The following ATG14 variants were observed in gnomAD, a reference collection of about 807,000 sequenced individuals.
ATG14 encodes beclin 1-associated autophagy-related key regulator.
ATG14 carries 35 observed loss-of-function variants against 60.4 expected under a neutral mutation model. The ratio of observed to expected loss-of-function variants is 0.58; its 90% CI spans 0.44 to 0.77. ATG14 has a LOEUF of 0.77. Among genes scored for constraint, ATG14 ranks in the 30% least tolerant of loss-of-function variants. ATG14 has a pLI of 0.00. For synonymous variants in ATG14, 234 were observed against 228.8 expected, an observed-to-expected ratio of 1.02 and a Z score of -0.21; for missense variants, 647 against 626.3, an observed-to-expected ratio of 1.03 and a Z score of -0.35.
chr14:55,384,446 A>C (rs887519069), intron 5 of ATG14, among the ~76,000 whole-genome samples: 3 of 152,198 alleles, frequency 2.0e-5, no homozygotes, highest in African/African-American at 7.2e-5. Context: ...ACCTCTCTCC[A>C]ACTGTCCTGC....
intron 3 of ATG14, chr14:55,395,150 A>G: frequency 1.1e-5 from 5 of 470,846 alleles, no homozygotes; most frequent in Non-Finnish European, 2.2e-5. Flanking sequence ...TTGCAGGAGC[A>G]GGTTCAGCTG....
rs1376937716 is a variant in ATG14, at chr14:55,402,948, TATATATATATATATATATATAA to T, written c.222-5536_222-5515del. Among the ~76,000 whole-genome samples, 47 of 60,888 alleles carry T rather than the reference TATATATATATATATATATATAA, an allele frequency of 7.7e-4. 1 individual carries two copies. The highest frequency in any genetic ancestry group is 3.6e-3 in the South Asian group (5 of 1,384). The allele number at this position is 60,888 out of a possible 152,430, so 39.9% of individuals were successfully genotyped here. A position where few individuals can be genotyped will look rare whatever the true frequency, so the allele number is the denominator to read the frequency against. On this transcript the variant is annotated intron_variant, in intron 1 of 9. Coordinates refer to ENST00000247178, the MANE Select transcript of ATG14 (RefSeq NM_014924.5). Reference sequence around the variant, plus strand: ...AAAAATATATATATATATATATATATATATATATATATATATATATAAATAGCTGGGCATAGTGGTGCATGGC... The same window carrying T: ...AAAAATATATATATATATATATATATATAGCTGGGCATAGTGGTGCATGGC...
chr14:55,377,860 A>G lies in ATG14; in HGVS notation c.1131T>C (p.Asn377=). 6.2e-7 allele frequency: 1 copy of G among 1,603,612 alleles called. No homozygotes were observed. Among genetic ancestry groups the G allele is most frequent in the Non-Finnish European group, 8.5e-7 (1 of 1,177,080 alleles). The change falls in exon 9 of 10, where the codon AAT becomes AAC. Residue 377 remains asparagine, a synonymous_variant. Transcript: ENST00000247178. ...DQLQPLHTLR[N]LMYLVSPSSE... is the part of the protein sequence containing the mutation. Reference sequence around the variant, plus strand: ...AGCTTGGACTGACCAGGTACATTAGATTCCTGAGGGTATGCAGTGGTTGTA... The same window carrying G: ...AGCTTGGACTGACCAGGTACATTAGGTTCCTGAGGGTATGCAGTGGTTGTA...
At chr14:55,390,360 C>T (rs184188520) in intron 4 of ATG14, among the ~76,000 whole-genome samples, 12 of 151,964 alleles carry the variant, frequency 7.9e-5, no homozygotes, top group Admixed American at 2.0e-4. Context: ...CATAAGCCAC[C>T]GTGCCTGGCC....
chr14:55,372,221 TATC>T (rs1163738441), intron 9 of ATG14, among the ~76,000 whole-genome samples: 2 of 152,084 alleles, frequency 1.3e-5, no homozygotes, highest in Admixed American at 6.5e-5. Flanking sequence ...GGCTACCTGT[TATC>T]ATTAAATAAG....
At chr14:55,395,139 T>G (rs1885290076) in intron 3 of ATG14, 43 of 475,604 alleles carry the variant, frequency 9.0e-5, no homozygotes, top group South Asian at 6.6e-4. Context: ...CGTTTCCACT[T>G]TTGCAGGAGC....
At chr14:55,373,068 C>T (rs1884853813) in intron 9 of ATG14, among the ~76,000 whole-genome samples, 1 of 152,146 alleles carries the variant, frequency 6.6e-6, no homozygotes, top group South Asian at 2.1e-4. Context: ...ATTAGAGATA[C>T]ATCACCTGCC....
intron 9 of ATG14, among the ~76,000 whole-genome samples, chr14:55,374,677 A>G (rs567760121): frequency 8.3e-4 from 127 of 152,128 alleles, no homozygotes; most frequent in Non-Finnish European, 1.3e-3. Flanking sequence ...AAGGTTTTTT[A>G]TATCATCTGG....
At chr14:55,382,973 A>T (rs1566579785) in intron 5 of ATG14, among the ~76,000 whole-genome samples, 1 of 152,246 alleles carries the variant, frequency 6.6e-6, no homozygotes, top group Non-Finnish European at 1.5e-5. Context: ...AAAATTAGTA[A>T]AGAGTGACAC....
intron 9 of ATG14, 109 bp downstream of exon 9, chr14:55,377,710 C>T (rs1052930570): frequency 2.9e-5 from 20 of 682,252 alleles, no homozygotes; most frequent in African/African-American, 9.0e-5. Flanking sequence ...TATTTTTGTC[C>T]GGTTTGAGGA....
chr14:55,404,101 A>G (rs72717759), intron 1 of ATG14, among the ~76,000 whole-genome samples: 10,460 of 152,256 alleles, frequency 0.069, 420 homozygotes, highest in South Asian at 0.11. Context: ...CTTGAGGTAG[A>G]TCAGCTCAAG....
chr14:55,386,931 T>G (rs1306661010), intron 4 of ATG14, among the ~76,000 whole-genome samples: 4 of 152,096 alleles, frequency 2.6e-5, no homozygotes, highest in African/African-American at 9.7e-5. Flanking sequence ...CAGGAAAATC[T>G]TCTCCAGTTT....
At chr14:55,399,792 C>A (rs1885368794) in intron 1 of ATG14, among the ~76,000 whole-genome samples, 1 of 152,150 alleles carries the variant, frequency 6.6e-6, no homozygotes. Context: ...ACTTCAGAGG[C>A]CATAAAAGTT....
At chr14:55,400,686 T>G (rs1253043463) in intron 1 of ATG14, among the ~76,000 whole-genome samples, 1 of 152,136 alleles carries the variant, frequency 6.6e-6, no homozygotes, top group Non-Finnish European at 1.5e-5. Context: ...GTGGATCACC[T>G]GAGGTCAGGA....
intron 1 of ATG14, among the ~76,000 whole-genome samples, chr14:55,409,694 G>A (rs564463182): frequency 5.3e-5 from 8 of 152,230 alleles, no homozygotes; most frequent in Admixed American, 2.6e-4. Context: ...AGGCCACAGT[G>A]GCACAGCAGA....
rs755228078 is a variant in ATG14 at position 55,369,625 on chromosome 14, G to T, written c.1473C>A (p.His491Gln). Residue 491 changes from histidine to glutamine, a missense_variant, in exon 10 of 10, where the codon CAC (histidine) becomes CAA (glutamine). His to Gln is a conservative substitution (Grantham distance 24). Transcript: ENST00000247178. ...ATGTTTTGGTCCATGCTCGTTAACGGTGTCCAGTGTAAGCTTTAAACCAGG... is the reference window on the plus strand; with the variant it reads ...ATGTTTTGGTCCATGCTCGTTAACGTTGTCCAGTGTAAGCTTTAAACCAGG... ...VTSWFKAYTG[H>Q]R 6.6e-7 allele frequency: 1 copy of T among 1,515,744 alleles called. No homozygotes were observed. Among genetic ancestry groups the T allele is most frequent in the Admixed American group, 2.2e-5 (1 of 45,924 alleles). The allele number at this position is 1,515,744 out of a possible 1,614,324, so 93.9% of individuals were successfully genotyped here.
chr14:55,369,613 T>C lies in ATG14; in HGVS notation c.*6A>G. 1 of 1,502,478 alleles carries C rather than the reference T, an allele frequency of 6.7e-7. No individual in the cohort carries two copies. The highest frequency in any genetic ancestry group is 8.9e-7 in the Non-Finnish European group (1 of 1,123,646). The allele number at this position is 1,502,478 out of a possible 1,614,324, so 93.1% of individuals were successfully genotyped here. On this transcript the variant is annotated 3_prime_UTR_variant, in exon 10 of 10. Transcript: ENST00000247178. ...TGCAGATTTGGTATGTTTTGGTCCA[T>C]GCTCGTTAACGGTGTCCAGTGTAAG...
chr14:55,390,361 G>A (rs1246380581), intron 4 of ATG14, among the ~76,000 whole-genome samples: 3 of 150,392 alleles, frequency 2.0e-5, no homozygotes, highest in Non-Finnish European at 3.0e-5. Context: ...ATAAGCCACC[G>A]TGCCTGGCCA....
chr14:55,398,435 T>G (rs1291691452), intron 1 of ATG14, among the ~76,000 whole-genome samples: 1 of 152,344 alleles, frequency 6.6e-6, no homozygotes, highest in East Asian at 1.9e-4. Flanking sequence ...TGCACTGTTA[T>G]AGCTATATCC....
Sources: allele counts gnomAD v4.1 joint callset (sites outside exome capture counted in the v4.1 genomes callset), GRCh38; gene constraint gnomAD v4.1.1; transcripts MANE v1.5; gene names NCBI Gene and HGNC (gene_info 2026-07-23, HGNC 2026-07-21).